Variants in ANKRD30BL observed in about 807,000 individuals in gnomAD.
ANKRD30BL encodes putative ankyrin repeat domain-containing protein 30B-like.
Under a neutral mutation model 18.4 loss-of-function variants are expected in ANKRD30BL, and 20 were observed. The observed-to-expected ratio is 1.09, with a 90% CI of 0.77 to 1.58. The LOEUF is 1.58. ANKRD30BL is among the 40% of genes most tolerant of loss of function. The pLI is 0.00. For synonymous variants in ANKRD30BL, 72 were observed against 100.9 expected, an observed-to-expected ratio of 0.71 and a Z score of 1.72; for missense variants, 224 against 268.6, an observed-to-expected ratio of 0.83 and a Z score of 1.16.
chr2:132,165,094 A>G (rs549879780), upstream of ANKRD30BL, among the ~76,000 whole-genome samples: 4 of 152,174 alleles, frequency 2.6e-5, no homozygotes, highest in African/African-American at 9.6e-5. Flanking sequence ...CAAACAAAAA[A>G]AAACGCAAAT....
chr2:132,187,417 C>T (rs974147873), intron 1 of ANKRD30BL, among the ~76,000 whole-genome samples: 9 of 151,844 alleles, frequency 5.9e-5, no homozygotes, highest in African/African-American at 2.2e-4. Context: ...CTTCCTCAAG[C>T]GATTCTCTTG....
At chr2:132,220,961 G>C (rs1012712435) in intron 1 of ANKRD30BL, among the ~76,000 whole-genome samples, 8 of 150,858 alleles carry the variant, frequency 5.3e-5, no homozygotes, top group Non-Finnish European at 1.0e-4. Context: ...AGTGAGGAGC[G>C]TCTCTGCCCG....
intron 1 of ANKRD30BL, among the ~76,000 whole-genome samples, chr2:132,171,200 T>C (rs921076560): frequency 2.7e-4 from 39 of 146,706 alleles, no homozygotes; most frequent in African/African-American, 9.9e-4. Flanking sequence ...GACATGAAAA[T>C]AAGGAACTGA....
At chr2:132,148,975 T>C (rs1687687323) in intron 5 of ANKRD30BL, among the ~76,000 whole-genome samples, 2 of 151,214 alleles carry the variant, frequency 1.3e-5, no homozygotes, top group African/African-American at 4.9e-5. Flanking sequence ...ATAGAAAACA[T>C]AGTTAGGAAA....
chr2:132,155,868 C>CA (rs1687888995), intron 3 of ANKRD30BL: 1 of 146,160 alleles, frequency 6.8e-6, no homozygotes, highest in African/African-American at 2.6e-5. Context: ...CACTGCACTC[C>CA]AGCCTGGTGA....
At chr2:132,188,597 C>A (rs1239634681) in intron 1 of ANKRD30BL, among the ~76,000 whole-genome samples, 3 of 152,046 alleles carry the variant, frequency 2.0e-5, no homozygotes, top group Non-Finnish European at 2.9e-5. Flanking sequence ...GTAATCCCAG[C>A]TACTCAGGAG....
chr2:132,252,083 A>G (rs1446111349), intron 1 of ANKRD30BL, among the ~76,000 whole-genome samples: 1 of 152,178 alleles, frequency 6.6e-6, no homozygotes, highest in Non-Finnish European at 1.5e-5. Context: ...TATTGTGAAT[A>G]TTACTCATAT....
chr2:132,148,430 G>C (rs1373140418), intron 5 of ANKRD30BL, among the ~76,000 whole-genome samples: 2 of 126,774 alleles, frequency 1.6e-5, no homozygotes. Flanking sequence ...GCAGTGGCAC[G>C]ATCTCAGCAG....
At chr2:132,254,125 C>G (rs1028808396) in intron 1 of ANKRD30BL, among the ~76,000 whole-genome samples, 14 of 152,056 alleles carry the variant, frequency 9.2e-5, no homozygotes, top group African/African-American at 3.1e-4. Context: ...CACCAGGCTG[C>G]GAGCCATCCA....
At chr2:132,187,192 T>G (rs565892100) in intron 1 of ANKRD30BL, among the ~76,000 whole-genome samples, 2,932 of 126,544 alleles carry the variant, frequency 0.023, 35 homozygotes, top group African/African-American at 0.039. Flanking sequence ...TTGTTTGTTT[T>G]TTTTTTTTTT....
chr2:132,221,836 G>A (rs1380660250), intron 1 of ANKRD30BL, among the ~76,000 whole-genome samples: 4 of 114,052 alleles, frequency 3.5e-5, no homozygotes, highest in Non-Finnish European at 5.2e-5. Context: ...TCAGCCCCCC[G>A]CCCGGCCAGC....
intron 1 of ANKRD30BL, among the ~76,000 whole-genome samples, chr2:132,175,829 A>G (rs567913593): frequency 6.6e-6 from 1 of 152,340 alleles, no homozygotes; most frequent in South Asian, 2.1e-4. Context: ...GCACAGCCCT[A>G]GATCCCTTAA....
Position 132,147,940 on chromosome 2 carries a change from C to G in ANKRD30BL, c.*191G>C. 1.8e-6 allele frequency: 1 copy of G among 555,102 alleles called. No homozygotes were observed. The highest frequency in any genetic ancestry group is 3.3e-6 in the Non-Finnish European group (1 of 306,842). 34.4% of individuals were successfully genotyped at this position (555,102 alleles called of 1,614,324 possible). On this transcript the variant is annotated 3_prime_UTR_variant, in exon 6 of 6. Coordinates refer to ENST00000409867, the MANE Select transcript of ANKRD30BL (RefSeq NM_001358416.1). ...GCTAGAAGGGGGCTGTTTAATGAAA[C>G]TAGGGGCAAGGAGGCATAACGAACG...
intron 1 of ANKRD30BL, among the ~76,000 whole-genome samples, chr2:132,199,458 C>T (rs142401676): frequency 0.013 from 1,921 of 152,154 alleles, 42 homozygotes; most frequent in African/African-American, 0.043. Flanking sequence ...AAACTAAACA[C>T]AGAAGAGCAA....
rs569232288 is a variant in ANKRD30BL, at chr2:132,148,040, G to T, written c.*91C>A. The T allele has an allele frequency of 1.2e-5, 11 of 907,188 alleles. No homozygotes were observed. The African/African-American group carries it at 1.3e-4, about 11-fold the overall frequency. The allele number at this position is 907,188 out of a possible 1,614,324, so 56.2% of individuals were successfully genotyped here. A position where few individuals can be genotyped will look rare whatever the true frequency, so the allele number is the denominator to read the frequency against. Reference sequence around the variant, plus strand: ...ACTGACATATTTGTTCTTTGATGAGGAACTCAGAACTCATTGTACTTAATC... The same window carrying T: ...ACTGACATATTTGTTCTTTGATGAGTAACTCAGAACTCATTGTACTTAATC... On this transcript the variant is annotated 3_prime_UTR_variant, in exon 6 of 6. Coordinates refer to ENST00000409867, the MANE Select transcript of ANKRD30BL (RefSeq NM_001358416.1).
chr2:132,210,745 ATTTC>A (rs1679323471), intron 1 of ANKRD30BL, among the ~76,000 whole-genome samples: 1 of 151,870 alleles, frequency 6.6e-6, no homozygotes, highest in Admixed American at 6.6e-5. Context: ...AGTCTGTGTA[ATTTC>A]TTTCTGATGT....
intron 1 of ANKRD30BL, among the ~76,000 whole-genome samples, chr2:132,171,753 A>C (rs539214128): frequency 1.1e-4 from 17 of 152,296 alleles, no homozygotes; most frequent in African/African-American, 4.1e-4. Context: ...TTATCACTTT[A>C]ATGAATTTTA....
intron 1 of ANKRD30BL, among the ~76,000 whole-genome samples, chr2:132,239,741 A>C (rs2104793043): frequency 6.6e-6 from 1 of 151,594 alleles, no homozygotes; most frequent in South Asian, 2.1e-4. Flanking sequence ...GTTTTGAAAC[A>C]CTCTTTTTGT....
chr2:132,220,707 C>A (rs1452087649), intron 1 of ANKRD30BL, among the ~76,000 whole-genome samples: 5 of 152,128 alleles, frequency 3.3e-5, no homozygotes, highest in Admixed American at 3.3e-4. Context: ...GTGATCTCGG[C>A]TCGCTACAAC....
Sources: gnomAD v4.1 joint callset for allele counts (sites outside exome capture counted in the v4.1 genomes callset) on GRCh38, gnomAD v4.1.1 for gene constraint, MANE v1.5 for transcripts, NCBI Gene and HGNC (gene_info 2026-07-23, HGNC 2026-07-21) for gene names.